Variants in SGCD observed in about 807,000 individuals in gnomAD.
SGCD encodes delta-sarcoglycan.
Under a neutral mutation model 36.6 loss-of-function variants are expected in SGCD, and 18 were observed. The observed-to-expected ratio is 0.49, with a 90% CI of 0.34 to 0.73. SGCD has a LOEUF of 0.73. SGCD is among the 30% of genes least tolerant of loss of function. The pLI, the probability that SGCD is intolerant of heterozygous loss-of-function variation, is 0.01. For synonymous variants in SGCD, 133 were observed against 130.6 expected (o/e 1.02, Z -0.12); for missense variants, 387 against 346.7 (o/e 1.12, Z -0.92).
At chr5:156,094,817 A>G (rs1761336683) in intron 1 of SGCD, among the ~76,000 whole-genome samples, 1 of 152,106 alleles carries the variant, frequency 6.6e-6, no homozygotes, top group African/African-American at 2.4e-5. Flanking sequence ...CCTGGCCAAC[A>G]TGGCGAAACC....
At chr5:156,069,444 C>T (rs1318319561) in intron 1 of SGCD, among the ~76,000 whole-genome samples, 5 of 151,928 alleles carry the variant, frequency 3.3e-5, no homozygotes, top group South Asian at 2.1e-4. Context: ...AGATATGTGG[C>T]GTTATTTCTA....
chr5:156,078,366 C>A (rs201545541), intron 1 of SGCD, among the ~76,000 whole-genome samples: 1 of 151,090 alleles, frequency 6.6e-6, no homozygotes, highest in Admixed American at 6.6e-5. Flanking sequence ...GTACAAAATT[C>A]GCCGGATGTG....
intron 3 of SGCD, among the ~76,000 whole-genome samples, chr5:156,135,297 T>C (rs1445708864): frequency 6.6e-6 from 1 of 152,212 alleles, no homozygotes; most frequent in Non-Finnish European, 1.5e-5. Flanking sequence ...ATTCATATTT[T>C]CCTCCTACCC....
chr5:155,777,540 C>T, the SGCD span, among the ~76,000 whole-genome samples: 58 of 151,686 alleles, frequency 3.8e-4, 1 homozygote, highest in South Asian at 8.1e-3. Flanking sequence ...TATTTTTTTG[C>T]GGAGATGGGA....
At chr5:155,750,223 C>A in the SGCD span, among the ~76,000 whole-genome samples, 1 of 152,092 alleles carries the variant, frequency 6.6e-6, no homozygotes, top group Non-Finnish European at 1.5e-5. Flanking sequence ...TAATCAAATG[C>A]CTTCAAAATG....
intron 3 of SGCD, among the ~76,000 whole-genome samples, chr5:156,440,858 C>T (rs535096620): frequency 6.6e-6 from 1 of 152,140 alleles, no homozygotes; most frequent in Admixed American, 6.6e-5. Context: ...AGATACTAGA[C>T]CCTTATCAGA....
At chr5:156,017,686 T>G (rs377448390) in intron 1 of SGCD, among the ~76,000 whole-genome samples, 18 of 152,232 alleles carry the variant, frequency 1.2e-4, no homozygotes, top group African/African-American at 4.1e-4. Context: ...TAGTCTCTAG[T>G]TCAGTAACAT....
At chr5:156,607,282 T>C (rs189101305) in intron 6 of SGCD, among the ~76,000 whole-genome samples, 2 of 152,336 alleles carry the variant, frequency 1.3e-5, no homozygotes, top group African/African-American at 4.8e-5. Context: ...TCAAAGGCTT[T>C]TTCTGCATCT....
the SGCD span, among the ~76,000 whole-genome samples, chr5:155,823,914 G>A: frequency 4.6e-5 from 7 of 152,104 alleles, no homozygotes; most frequent in African/African-American, 7.2e-5. Context: ...CCAGATTACC[G>A]CATGAGGACA....
chr5:156,047,537 T>C (rs565632038), intron 1 of SGCD, among the ~76,000 whole-genome samples: 157 of 152,254 alleles, frequency 1.0e-3, no homozygotes, highest in African/African-American at 3.6e-3. Flanking sequence ...AGGCTAAATC[T>C]ACTCTGCCTA....
At chr5:155,818,260 C>T in the SGCD span, among the ~76,000 whole-genome samples, 5 of 152,086 alleles carry the variant, frequency 3.3e-5, no homozygotes, top group South Asian at 2.1e-4. Flanking sequence ...CAGCAGGACT[C>T]ATTTCAAAGT....
intron 1 of SGCD, among the ~76,000 whole-genome samples, chr5:155,935,658 G>A (rs950574277): frequency 6.6e-6 from 1 of 152,198 alleles, no homozygotes; most frequent in Non-Finnish European, 1.5e-5. Context: ...TTAGCATGAG[G>A]ACAAGAGGGA....
intron 1 of SGCD, among the ~76,000 whole-genome samples, chr5:155,917,651 A>G (rs1456860186): frequency 2.0e-5 from 3 of 152,206 alleles, no homozygotes; most frequent in African/African-American, 7.2e-5. Flanking sequence ...CTTTGCTCCC[A>G]GGAATACCAA....
At chr5:155,961,592 C>T (rs984243212) in intron 1 of SGCD, among the ~76,000 whole-genome samples, 1 of 152,208 alleles carries the variant, frequency 6.6e-6, no homozygotes, top group East Asian at 1.9e-4. Flanking sequence ...ATTAGCCATG[C>T]TGTGTGTTGC....
chr5:156,457,758 A>C lies in SGCD; in HGVS notation c.193-50843A>C, dbSNP rs78169346. ...AAATGTCTCTCATGCCCTACTTCACAGTTGGTTGGGAGACATGTGTTCTAG... is the reference window on the plus strand; with the variant it reads ...AAATGTCTCTCATGCCCTACTTCACCGTTGGTTGGGAGACATGTGTTCTAG... On this transcript the variant is annotated intron_variant, in intron 3 of 8. Transcript: ENST00000337851. 4.4e-3 allele frequency among the ~76,000 whole-genome samples: 665 copies of C among 152,202 alleles called. 1 individual carries two copies. The highest frequency in any genetic ancestry group is 0.015 in the African/African-American group (625 of 41,560).
chr5:155,815,682 C>T, the SGCD span, among the ~76,000 whole-genome samples: 1 of 152,050 alleles, frequency 6.6e-6, no homozygotes, highest in African/African-American at 2.4e-5. Flanking sequence ...GAAGAGAGAG[C>T]AGGGGAAGGT....
intron 3 of SGCD, among the ~76,000 whole-genome samples, chr5:156,451,353 G>T (rs1316608073): frequency 5.9e-5 from 9 of 152,264 alleles, no homozygotes; most frequent in Non-Finnish European, 1.5e-5. Context: ...CAACAAGCAG[G>T]AAGGTCCCTG....
chr5:156,361,309 G>A (rs566951329), intron 3 of SGCD, among the ~76,000 whole-genome samples: 1 of 152,362 alleles, frequency 6.6e-6, no homozygotes, highest in South Asian at 2.1e-4. Context: ...GCACATACAT[G>A]TGATTTTAGG....
chr5:155,811,554 C>T, the SGCD span, among the ~76,000 whole-genome samples: 3 of 152,098 alleles, frequency 2.0e-5, no homozygotes, highest in African/African-American at 4.8e-5. Flanking sequence ...CCTCAGAACA[C>T]GAAAAACCAA....
Sources: allele counts gnomAD v4.1 joint callset (sites outside exome capture counted in the v4.1 genomes callset), GRCh38; gene constraint gnomAD v4.1.1; transcripts MANE v1.5; gene names NCBI Gene and HGNC (gene_info 2026-07-23, HGNC 2026-07-21).